TJAP1: variants seen among roughly 807,000 people sequenced by gnomAD.
TJAP1 encodes tight junction-associated protein 1.
A neutral mutation model predicts 42.0 loss-of-function variants in TJAP1; 27 were observed. The observed-to-expected ratio is 0.64, with a 90% CI of 0.47 to 0.89. TJAP1 has a LOEUF of 0.89. Ranked by LOEUF, TJAP1 falls within the 40% of genes least tolerant of loss-of-function variation. The pLI, the probability that TJAP1 is intolerant of heterozygous loss-of-function variation, is 0.00. For synonymous variants in TJAP1, 257 were observed against 288.4 expected, an observed-to-expected ratio of 0.89 and a Z score of 1.10; for missense variants, 712 against 726.9, an observed-to-expected ratio of 0.98 and a Z score of 0.24.
At chr6:43,501,758 A>ACACACACACTCT (rs1423256237) in intron 6 of TJAP1, 71 bp downstream of exon 6, 495 of 493,070 alleles carry the variant, frequency 1.0e-3, no homozygotes, top group African/African-American at 1.1e-3. Flanking sequence ...ACACACACAC[A>ACACACACACTCT]CTCTCTCTGT....
At chr6:43,498,683 G>A (rs2127591346) in intron 3 of TJAP1, among the ~76,000 whole-genome samples, 1 of 152,336 alleles carries the variant, frequency 6.6e-6, no homozygotes, top group South Asian at 2.1e-4. Flanking sequence ...GAGGGTGGTG[G>A]GCTGCTTTGA....
At chr6:43,493,800 C>T (rs990226342) in intron 2 of TJAP1, among the ~76,000 whole-genome samples, 2 of 152,160 alleles carry the variant, frequency 1.3e-5, no homozygotes, top group Non-Finnish European at 2.9e-5. Context: ...ATTTCTCTCT[C>T]ATACCACTCT....
At chr6:43,488,709 T>C (rs1787115573) in intron 2 of TJAP1, among the ~76,000 whole-genome samples, 1 of 152,220 alleles carries the variant, frequency 6.6e-6, no homozygotes, top group Non-Finnish European at 1.5e-5. Flanking sequence ...GTGAGGATTC[T>C]GAAGGTCACC....
exon 11 of TJAP1, chr6:43,504,806 G>C: frequency 6.2e-7 from 1 of 1,614,216 alleles, no homozygotes. Context: ...TTTGCACAGT[G>C]GTCAAGAGGC....
chr6:43,479,990 CA>C (rs879342376), intron 2 of TJAP1, among the ~76,000 whole-genome samples: 61 of 142,334 alleles, frequency 4.3e-4, no homozygotes, highest in African/African-American at 7.2e-4. Context: ...AAAGCGTCTC[CA>C]AAAAAAAAAA....
intron 3 of TJAP1, among the ~76,000 whole-genome samples, chr6:43,498,677 G>A (rs1330893063): frequency 4.6e-5 from 7 of 152,244 alleles, no homozygotes; most frequent in Non-Finnish European, 1.0e-4. Flanking sequence ...GGTAAGGAGG[G>A]TGGTGGGCTG....
At chr6:43,499,587 G>A (rs951867900) in intron 4 of TJAP1, among the ~76,000 whole-genome samples, 2 of 152,202 alleles carry the variant, frequency 1.3e-5, no homozygotes, top group Non-Finnish European at 1.5e-5. Flanking sequence ...TGTTGAATAT[G>A]TACTCCCTGC....
At chr6:43,501,758 A>ACACACACACACACACACACACTCT in intron 6 of TJAP1, 71 bp downstream of exon 6, 1 of 491,662 alleles carries the variant, frequency 2.0e-6, no homozygotes, top group East Asian at 3.9e-5. Flanking sequence ...ACACACACAC[A>ACACACACACACACACACACACTCT]CTCTCTCTGT....
At chr6:43,486,507 C>T (rs1366521444) in intron 2 of TJAP1, among the ~76,000 whole-genome samples, 1 of 152,022 alleles carries the variant, frequency 6.6e-6, no homozygotes, top group African/African-American at 2.4e-5. Context: ...AGGTGCCTGC[C>T]ACCATGCCCG....
In TJAP1 at chr6:43,505,183, C is replaced by T. The variant is rs1792027220; in HGVS notation, c.1002C>T (p.Phe334=). The change falls in exon 11 of 11, where the codon TTC becomes TTT. Residue 334 remains phenylalanine (F), a synonymous_variant. Coordinates refer to ENST00000372449, the Ensembl canonical transcript of TJAP1. This position sits in a 1 kb window ranked among gnomAD's most constrained non-coding sequence, Gnocchi z 5.5. ...ATCCTGGCCGCAGGGTAATAGAGTT[C>T]TCTGAGGATAAGGTTCGGATCCCCC... 1.2e-6 allele frequency: 2 copies of T among 1,614,220 alleles called. No individual in the cohort carries two copies. The highest frequency in any genetic ancestry group is 4.5e-5 in the East Asian group (2 of 44,886).
intron 8 of TJAP1, 45 bp downstream of exon 8, chr6:43,502,662 C>G: frequency 6.5e-7 from 1 of 1,549,026 alleles, no homozygotes; most frequent in Non-Finnish European, 8.7e-7. Flanking sequence ...CTGGCCTTCT[C>G]CTCAGCTGAG....
intron 10 of TJAP1, chr6:43,504,115 CTTT>C (rs869310556): frequency 7.1e-3 from 1,815 of 254,928 alleles, no homozygotes; most frequent in South Asian, 0.013. Context: ...AGAGGTATTT[CTTT>C]TTTTTTTTTT....
chr6:43,503,210 AC>A (rs1156925135), intron 8 of TJAP1, 190 bp from the exon 9 acceptor site: 1 of 594,896 alleles, frequency 1.7e-6, no homozygotes, highest in African/African-American at 1.9e-5. Flanking sequence ...GAAAGCCCCC[AC>A]CCCACAGCCA....
At chr6:43,494,046 C>T (rs370636130) in intron 2 of TJAP1, among the ~76,000 whole-genome samples, 6 of 152,164 alleles carry the variant, frequency 3.9e-5, no homozygotes, top group Non-Finnish European at 2.9e-5. Context: ...CTCTGCTGTG[C>T]GTGCCGAGTC....
intron 2 of TJAP1, among the ~76,000 whole-genome samples, chr6:43,481,353 T>C (rs1785260988): frequency 6.6e-6 from 1 of 152,090 alleles, no homozygotes; most frequent in Non-Finnish European, 1.5e-5. Context: ...AAGGGGTGTG[T>C]GTGTGTTTAA....
intron 2 of TJAP1, among the ~76,000 whole-genome samples, chr6:43,480,348 C>G (rs1224690742): frequency 6.6e-6 from 1 of 152,164 alleles, no homozygotes; most frequent in East Asian, 1.9e-4. Flanking sequence ...CCTCATTAGG[C>G]TATTTAAGGC....
chr6:43,490,290 C>T (rs372400406), intron 2 of TJAP1, among the ~76,000 whole-genome samples: 4 of 152,360 alleles, frequency 2.6e-5, no homozygotes, highest in Non-Finnish European at 4.4e-5. Context: ...CACCCTTCCC[C>T]GAGTCAGCAG....
chr6:43,501,473 T>C, intron 5 of TJAP1, 53 bp from the exon 6 acceptor site: 1 of 1,534,276 alleles, frequency 6.5e-7, no homozygotes, highest in East Asian at 2.3e-5. Flanking sequence ...CTCCAGGGCA[T>C]GCCCTTCTAT....
At chr6:43,503,112 C>T in intron 8 of TJAP1, 1 of 497,270 alleles carries the variant, frequency 2.0e-6, no homozygotes, top group Non-Finnish European at 3.6e-6. Flanking sequence ...GCTGCCTTGC[C>T]TGGTGCCCAG....
Sources: gnomAD v4.1 joint callset for allele counts (sites outside exome capture counted in the v4.1 genomes callset) on GRCh38, gnomAD v4.1.1 for gene constraint, Gnocchi (gnomAD v3.1) non-coding constraint, MANE v1.5 for transcripts, NCBI Gene and HGNC (gene_info 2026-07-23, HGNC 2026-07-21) for gene names.